Variants in SEMA4A observed in about 807,000 individuals in gnomAD.
The protein encoded by SEMA4A is semaphorin 4A.
In SEMA4A, 52 loss-of-function variants were observed where a neutral mutation model predicts 72.5. The observed-to-expected ratio is 0.72, with a 90% confidence interval of 0.57 to 0.90. The LOEUF (loss-of-function observed/expected upper bound fraction) is 0.90, where lower values mean the gene tolerates loss of function less well. Among genes scored for constraint, SEMA4A ranks in the 40% least tolerant of loss-of-function variants. SEMA4A has a pLI of 0.00. For synonymous variants in SEMA4A, 369 were observed against 393.1 expected (o/e 0.94, Z 0.73); for missense variants, 926 against 959.7 (o/e 0.96, Z 0.46).
At chr1:156,170,453 A>C (rs1572417570) in intron 10 of SEMA4A, among the ~76,000 whole-genome samples, 1 of 110,266 alleles carries the variant, frequency 9.1e-6, no homozygotes, top group African/African-American at 3.9e-5. Flanking sequence ...ACAGAGCGAT[A>C]CTGTCTCAAA....
chr1:156,168,983 C>G (rs1654445888), intron 10 of SEMA4A, among the ~76,000 whole-genome samples: 1 of 152,018 alleles, frequency 6.6e-6, no homozygotes, highest in Admixed American at 6.6e-5. Context: ...GATGGTGTCC[C>G]CATCAACTGG....
intron 10 of SEMA4A, among the ~76,000 whole-genome samples, chr1:156,163,927 G>A (rs1252510976): frequency 2.6e-5 from 4 of 151,650 alleles, no homozygotes; most frequent in Non-Finnish European, 5.9e-5. Context: ...CTACTCAAGA[G>A]GCTGAGGTGG....
chr1:156,152,518 A>G (rs1652620603), upstream of SEMA4A, among the ~76,000 whole-genome samples: 1 of 152,162 alleles, frequency 6.6e-6, no homozygotes, highest in African/African-American at 2.4e-5. Flanking sequence ...GTTTCTCTTG[A>G]TTCTAAGAAA....
chr1:156,173,406 G>A (rs1159731719), intron 11 of SEMA4A, among the ~76,000 whole-genome samples: 2 of 152,140 alleles, frequency 1.3e-5, no homozygotes, highest in South Asian at 2.1e-4. Flanking sequence ...ACGGAGTGGG[G>A]CGCAGCTGGG....
At chr1:156,173,417 G>T (rs1654993830) in intron 11 of SEMA4A, among the ~76,000 whole-genome samples, 1 of 152,116 alleles carries the variant, frequency 6.6e-6, no homozygotes, top group Admixed American at 6.5e-5. Flanking sequence ...CGCAGCTGGG[G>T]TTCTTGGTTT....
At chr1:156,149,997 A>G (rs1652400021), upstream of SEMA4A, 1 of 151,824 alleles carries the variant, frequency 6.6e-6, no homozygotes, top group Non-Finnish European at 1.5e-5. Context: ...TGGGGTTGAG[A>G]ATGGGGGTGG....
intron 6 of SEMA4A, among the ~76,000 whole-genome samples, chr1:156,159,976 C>T (rs1183024282): frequency 6.6e-6 from 1 of 150,998 alleles, no homozygotes; most frequent in Non-Finnish European, 1.5e-5. Context: ...CTACTGGACA[C>T]CAACCATTAC....
At chr1:156,174,228 T>C (rs1010433479) in intron 11 of SEMA4A, among the ~76,000 whole-genome samples, 15 of 152,192 alleles carry the variant, frequency 9.9e-5, no homozygotes, top group Non-Finnish European at 2.2e-4. Flanking sequence ...AAGAAATTTG[T>C]CAAGTTCATT....
At chr1:156,165,762 G>A (rs769598155) in intron 10 of SEMA4A, among the ~76,000 whole-genome samples, 8 of 151,126 alleles carry the variant, frequency 5.3e-5, no homozygotes, top group Non-Finnish European at 1.2e-4. Context: ...TCTTTGTCCT[G>A]GTGTTCTGAA....
At position 156,154,684 on chromosome 1, in the gene SEMA4A, C is replaced by T; in HGVS notation, c.106C>T (p.Gln36Ter). The T allele has an allele frequency of 1.3e-6, 2 of 1,593,942 alleles. No homozygotes were observed. Among genetic ancestry groups the T allele is most frequent in the Non-Finnish European group, 1.7e-6 (2 of 1,170,830 alleles). ...LPTTTAGGGG[Q>*]GPMPRVRYYA... Reference sequence around the variant, plus strand: ...GACGACGACCGCGGGGGGAGGCGGGCAGGGGCCCATGCCCAGGGTCAGATA... The same window carrying T: ...GACGACGACCGCGGGGGGAGGCGGGTAGGGGCCCATGCCCAGGGTCAGATA... Residue 36 changes from glutamine to a stop codon, truncating the protein, a stop_gained, in exon 2 of 15, where the codon CAG (glutamine) becomes TAG (stop). Coordinates refer to ENST00000368285, the MANE Select transcript of SEMA4A (RefSeq NM_022367.4). LOFTEE classifies it high-confidence loss of function.
chr1:156,149,093 C>T (rs1652334585), upstream of SEMA4A, among the ~76,000 whole-genome samples: 5 of 152,010 alleles, frequency 3.3e-5, no homozygotes, highest in South Asian at 1.0e-3. Context: ...TGAGCCACCG[C>T]ACCCAGCCGG....
chr1:156,177,366 A>G lies in SEMA4A; in HGVS notation c.*369A>G. Reference sequence around the variant, plus strand: ...CCTGCCTGTCCCAGGACCCTATGGTAATGAACACCAAACATCTAAACAATC... The same window carrying G: ...CCTGCCTGTCCCAGGACCCTATGGTGATGAACACCAAACATCTAAACAATC... On this transcript the variant is annotated 3_prime_UTR_variant, in exon 15 of 15. Coordinates refer to ENST00000368285, the MANE Select transcript of SEMA4A (RefSeq NM_022367.4). 2.8e-6 allele frequency: 1 copy of G among 356,454 alleles called. No individual in the cohort carries two copies. The highest frequency in any genetic ancestry group is 5.4e-6 in the Non-Finnish European group (1 of 186,428). The allele number at this position is 356,454 out of a possible 1,614,324, so 22.1% of individuals were successfully genotyped here. A position where few individuals can be genotyped will look rare whatever the true frequency, so the allele number is the denominator to read the frequency against.
At chr1:156,149,512 G>GGGC (rs1380578931), upstream of SEMA4A, among the ~76,000 whole-genome samples, 1 of 152,188 alleles carries the variant, frequency 6.6e-6, no homozygotes, top group East Asian at 1.9e-4. Context: ...AAATAGAAGA[G>GGGC]GGCTCCTTGG....
rs778754182 is a variant in SEMA4A at position 156,176,472 on chromosome 1, C to A, written c.1761C>A (p.Ala587=). ...ELPCPHLSAL[A]SYYWSHGPAA... ...CCTGCCCCCACCTGTCAGCCTTGGC[C>A]TCTTATTATTGGAGTCATGGCCCAG... is the stretch of plus-strand genomic sequence containing the variant. The change falls in exon 15 of 15, where the codon GCC becomes GCA. Residue 587 remains alanine, a synonymous_variant. Transcript: ENST00000368285. 6.2e-7 allele frequency: 1 copy of A among 1,614,164 alleles called. No homozygotes were observed. The highest frequency in any genetic ancestry group is 8.5e-7 in the Non-Finnish European group (1 of 1,180,028).
intron 2 of SEMA4A, 158 bp downstream of exon 2, chr1:156,154,875 G>C: frequency 8.7e-6 from 8 of 923,634 alleles, no homozygotes; most frequent in East Asian, 2.8e-5. Flanking sequence ...GAGAAAGAGA[G>C]ACACAGCCAG....
intron 10 of SEMA4A, among the ~76,000 whole-genome samples, chr1:156,167,475 C>CAAAAAAAAAAAAAAAAAAA (rs58793729): frequency 9.6e-6 from 1 of 103,638 alleles, no homozygotes; most frequent in Non-Finnish European, 2.0e-5. Context: ...GACCCTGTCT[C>CAAAAAAAAAAAAAAAAAAA]AAAAAAAAAA....
Position 156,175,073 on chromosome 1 carries a change from A to G in SEMA4A, c.1435-13A>G. The G allele has an allele frequency of 6.2e-7, 1 of 1,614,014 alleles. No individual in the cohort carries two copies. The highest frequency in any genetic ancestry group is 8.5e-7 in the Non-Finnish European group (1 of 1,179,976). On this transcript the variant is annotated splice_polypyrimidine_tract_variant and intron_variant, in intron 12 of 14. Coordinates refer to ENST00000368285, the MANE Select transcript of SEMA4A (RefSeq NM_022367.4). Reference sequence around the variant, plus strand: ...TGGCTGGGGCTCCCTGACAATCTCCATCTCTCTTCCAGGGTGCAGTGTTTG... The same window carrying G: ...TGGCTGGGGCTCCCTGACAATCTCCGTCTCTCTTCCAGGGTGCAGTGTTTG...
At chr1:156,158,662 C>A in intron 5 of SEMA4A, 57 bp from the exon 6 acceptor site, 3 of 1,455,442 alleles carry the variant, frequency 2.1e-6, no homozygotes, top group Admixed American at 1.7e-5. Flanking sequence ...TCAAGCCCCT[C>A]ATTTCCCAGA....
chr1:156,169,079 A>T (rs1219713513), intron 10 of SEMA4A, among the ~76,000 whole-genome samples: 1 of 152,194 alleles, frequency 6.6e-6, no homozygotes, highest in Non-Finnish European at 1.5e-5. Context: ...TGGAAGGGGC[A>T]GTCACCCAGC....
Sources: gnomAD v4.1 joint callset for allele counts (sites outside exome capture counted in the v4.1 genomes callset) on GRCh38, gnomAD v4.1.1 for gene constraint, MANE v1.5 for transcripts, NCBI Gene and HGNC (gene_info 2026-07-23, HGNC 2026-07-21) for gene names.